WDR72: variants seen among roughly 807,000 people sequenced by gnomAD.
WDR72 encodes the protein WD repeat domain 72.
Under a neutral mutation model 124.2 loss-of-function variants are expected in WDR72, and 120 were observed. The observed-to-expected ratio is 0.97, with a 90% CI of 0.83 to 1.12. WDR72 has a LOEUF of 1.12. Among genes scored for constraint, WDR72 ranks in the 50% most tolerant of loss-of-function variants. The probability of loss-of-function intolerance (pLI) is 0.00; values close to 1 mark genes in which losing one functional copy is unlikely to be tolerated. For synonymous variants in WDR72, 452 were observed against 441.7 expected, an observed-to-expected ratio of 1.02 and a Z score of -0.29; for missense variants, 1,387 against 1,278.8, an observed-to-expected ratio of 1.08 and a Z score of -1.29.
Position 53,702,365 on chromosome 15 carries a change from A to T in WDR72, c.1349-11T>A. 6.3e-7 allele frequency: 1 copy of T among 1,588,912 alleles called. No individual in the cohort carries two copies. Among genetic ancestry groups the T allele is most frequent in the Non-Finnish European group, 8.6e-7 (1 of 1,157,336 alleles). ...TATGAGGGGGAGAATCTGAAAAACA[A>T]TGAAACACCAAATAATACAGATGTT... On this transcript the variant is annotated splice_polypyrimidine_tract_variant and intron_variant, in intron 11 of 19. Coordinates refer to ENST00000360509, the MANE Select transcript of WDR72 (RefSeq NM_182758.4).
At chr15:53,757,087 TAAAG>T in intron 1 of WDR72, among the ~76,000 whole-genome samples, 1 of 152,236 alleles carries the variant, frequency 6.6e-6, no homozygotes. Context: ...CACATGTAAA[TAAAG>T]AAACTCCTGG....
chr15:53,744,537 C>T (rs1363552498), intron 1 of WDR72, among the ~76,000 whole-genome samples: 1 of 152,168 alleles, frequency 6.6e-6, no homozygotes, highest in Non-Finnish European at 1.5e-5. Flanking sequence ...TAGCAATAGG[C>T]TACCTACTCT....
At chr15:53,604,221 G>A (rs1052136556) in intron 17 of WDR72, among the ~76,000 whole-genome samples, 8 of 152,122 alleles carry the variant, frequency 5.3e-5, no homozygotes, top group African/African-American at 1.9e-4. Flanking sequence ...ACAAAAACAA[G>A]CAATAGGGAA....
At chr15:53,683,475 T>C (rs959294319) in intron 13 of WDR72, among the ~76,000 whole-genome samples, 14 of 152,102 alleles carry the variant, frequency 9.2e-5, no homozygotes, top group Non-Finnish European at 2.1e-4. Context: ...ATCTTATGTA[T>C]CCATACAAAA....
At chr15:53,594,282 G>A (rs910219404) in intron 18 of WDR72, among the ~76,000 whole-genome samples, 4 of 148,098 alleles carry the variant, frequency 2.7e-5, no homozygotes, top group Non-Finnish European at 4.5e-5. Context: ...TAAATAATAC[G>A]TACCACCAAG....
At position 53,517,740 on chromosome 15, in the gene WDR72, G is replaced by GATGC; in HGVS notation, c.3264_3267dup (p.His1090AlafsTer41). ...GGGCAGACCTTTGCTATCCATGAAT[G>GATGC]ATGCCTTGGCTCACCTAGGAAAAAA... On this transcript the variant is annotated frameshift_variant, in exon 20 of 20. Transcript: ENST00000360509. LOFTEE classifies it high-confidence loss of function. 6.2e-7 allele frequency: 1 copy of GATGC among 1,612,938 alleles called. No individual in the cohort carries two copies. Among genetic ancestry groups the GATGC allele is most frequent in the African/African-American group, 1.3e-5 (1 of 74,964 alleles).
chr15:53,683,350 C>G (rs936889592), intron 13 of WDR72, among the ~76,000 whole-genome samples: 6 of 151,978 alleles, frequency 3.9e-5, no homozygotes, highest in African/African-American at 1.5e-4. Context: ...CTGATTGTTC[C>G]CAACACATAG....
chr15:53,737,531 G>A (rs150081159), intron 1 of WDR72, among the ~76,000 whole-genome samples: 106 of 152,144 alleles, frequency 7.0e-4, no homozygotes, highest in African/African-American at 2.5e-3. Flanking sequence ...TGGACAAAAT[G>A]GGCTTTAAAG....
chr15:53,736,990 AGATGT>A (rs1260569130), intron 1 of WDR72, among the ~76,000 whole-genome samples: 1 of 143,460 alleles, frequency 7.0e-6, no homozygotes, highest in East Asian at 2.1e-4. Flanking sequence ...AAACAAAGGT[AGATGT>A]AAAACACACA....
intron 13 of WDR72, among the ~76,000 whole-genome samples, chr15:53,678,768 T>C (rs749838741): frequency 5.3e-5 from 8 of 152,194 alleles, no homozygotes; most frequent in Non-Finnish European, 8.8e-5. Flanking sequence ...TCATAATGTA[T>C]AGATCATGGT....
At chr15:53,549,213 T>C (rs1893620931) in intron 18 of WDR72, among the ~76,000 whole-genome samples, 1 of 152,076 alleles carries the variant, frequency 6.6e-6, no homozygotes, top group Non-Finnish European at 1.5e-5. Context: ...CCCTAACAGA[T>C]CTTATGGTCT....
intron 2 of WDR72, among the ~76,000 whole-genome samples, chr15:53,731,213 C>T (rs1015811779): frequency 3.3e-5 from 5 of 152,086 alleles, no homozygotes; most frequent in South Asian, 2.1e-4. Context: ...AACTTCTCCA[C>T]GCCTAGGCCC....
intron 18 of WDR72, among the ~76,000 whole-genome samples, chr15:53,546,705 C>G (rs1027400240): frequency 1.3e-5 from 2 of 150,894 alleles, no homozygotes; most frequent in Non-Finnish European, 3.0e-5. Context: ...GCAAAAGATA[C>G]TTTTAACAAA....
chr15:53,584,615 G>C (rs1489480528), intron 18 of WDR72, among the ~76,000 whole-genome samples: 1 of 152,018 alleles, frequency 6.6e-6, no homozygotes, highest in Non-Finnish European at 1.5e-5. Flanking sequence ...GCTTTTGTCA[G>C]TTTCTGCTTT....
In WDR72 at chr15:53,711,382, T is replaced by C; in HGVS notation, c.811A>G (p.Ile271Val). 6.2e-7 allele frequency: 1 copy of C among 1,614,206 alleles called. No individual in the cohort carries two copies. Among genetic ancestry groups the C allele is most frequent in the East Asian group, 2.2e-5 (1 of 44,878 alleles). ...TAACTGTGACCATCTTCTGTCCAGA[T>C]GAGGATTCTGTGAGCAGCAATCACT... Reference protein sequence around the residue: ...GEVIAAHRILIWTEDGHSYIY... With the variant: ...GEVIAAHRILVWTEDGHSYIY... Residue 271 changes from isoleucine (I) to valine (V), a missense_variant, in exon 8 of 20, where the codon ATC becomes GTC. Physicochemically the swap from Ile to Val is conservative, Grantham distance 29. Transcript: ENST00000360509.
intron 3 of WDR72, among the ~76,000 whole-genome samples, chr15:53,720,202 GC>G (rs1159897984): frequency 6.6e-6 from 1 of 151,402 alleles, no homozygotes; most frequent in African/African-American, 2.4e-5. Flanking sequence ...TGTTTCTGTA[GC>G]TACTAAACAA....
At chr15:53,678,194 C>G (rs74015852) in intron 13 of WDR72, among the ~76,000 whole-genome samples, 4,137 of 152,296 alleles carry the variant, frequency 0.027, 100 homozygotes, top group East Asian at 0.069. Flanking sequence ...AGATTAGGAA[C>G]ATCCCAATCC....
At chr15:53,712,597 C>G (rs914109539) in intron 7 of WDR72, among the ~76,000 whole-genome samples, 175 bp downstream of exon 7, 1 of 124,262 alleles carries the variant, frequency 8.0e-6, no homozygotes, top group Non-Finnish European at 1.9e-5. Context: ...TGTCAACCAC[C>G]CCACCGCCAA....
At chr15:53,695,789 A>C (rs1030432390) in intron 13 of WDR72, among the ~76,000 whole-genome samples, 1 of 152,228 alleles carries the variant, frequency 6.6e-6, no homozygotes, top group Admixed American at 6.5e-5. Context: ...TAAAATAGGC[A>C]CAGTGGTACA....
Sources: gnomAD v4.1 joint callset for allele counts (sites outside exome capture counted in the v4.1 genomes callset) on GRCh38, gnomAD v4.1.1 for gene constraint, MANE v1.5 for transcripts, NCBI Gene and HGNC (gene_info 2026-07-23, HGNC 2026-07-21) for gene names.